Variants in TRIM4 observed in about 807,000 individuals in gnomAD.
TRIM4 encodes the protein E3 ubiquitin-protein ligase TRIM4.
A neutral mutation model predicts 33.7 loss-of-function variants in TRIM4; 29 were observed. The ratio of observed to expected loss-of-function variants is 0.86; its 90% CI spans 0.64 to 1.17. The LOEUF is 1.17. Among genes scored for constraint, TRIM4 ranks in the 50% most tolerant of loss-of-function variants. TRIM4 has a pLI of 0.00. For missense variants in TRIM4, 554 were observed against 593.7 expected (o/e 0.93, Z 0.69); for synonymous variants, 224 against 233.0 (o/e 0.96, Z 0.35).
At chr7:99,899,066 C>T (rs981892263) in intron 5 of TRIM4, among the ~76,000 whole-genome samples, 2 of 152,118 alleles carry the variant, frequency 1.3e-5, no homozygotes, top group Non-Finnish European at 2.9e-5. Flanking sequence ...CAAGGGTATG[C>T]TGGACTGCAG....
chr7:99,915,786 T>C (rs1019636546), intron 1 of TRIM4, among the ~76,000 whole-genome samples: 8 of 152,178 alleles, frequency 5.3e-5, no homozygotes, highest in African/African-American at 1.7e-4. Flanking sequence ...CCCATCCCAG[T>C]GTAACCCTTA....
intron 1 of TRIM4, among the ~76,000 whole-genome samples, chr7:99,914,172 A>C (rs375931857): frequency 7.9e-5 from 12 of 152,252 alleles, no homozygotes; most frequent in African/African-American, 2.9e-4. Flanking sequence ...CCCTACTTAC[A>C]GTCATGTCCT....
intron 5 of TRIM4, among the ~76,000 whole-genome samples, chr7:99,897,150 G>A (rs1482228589): frequency 6.6e-6 from 1 of 152,200 alleles, no homozygotes; most frequent in Admixed American, 6.5e-5. Context: ...CCCGTGAAGA[G>A]ATCTAGTGGC....
At chr7:99,916,492 GACT>G (rs1819558219) in intron 1 of TRIM4, among the ~76,000 whole-genome samples, 1 of 152,168 alleles carries the variant, frequency 6.6e-6, no homozygotes, top group Non-Finnish European at 1.5e-5. Flanking sequence ...TCTGTCCTAA[GACT>G]ACGCTTCCTC....
chr7:99,902,790 G>T (rs2151645735), intron 5 of TRIM4, among the ~76,000 whole-genome samples: 1 of 151,258 alleles, frequency 6.6e-6, no homozygotes, highest in South Asian at 2.1e-4. Context: ...GCTTGAAACA[G>T]TCATCCCTGT....
In TRIM4 at chr7:99,909,735, T is replaced by G. The variant is rs1444015010; in HGVS notation, c.394-75A>C. On this transcript the variant is annotated intron_variant, in intron 1 of 5. Transcript: ENST00000349062. ...CATCTTCTTTTTTCTTTTTGTTTTT[T>G]TTTTTTTTTTTTTTTGAGACAAAGT... 5.3e-4 allele frequency: 628 copies of G among 1,175,716 alleles called. 3 individuals carry two copies. The highest frequency in any genetic ancestry group is 1.0e-3 in the Middle Eastern group (5 of 4,948). 72.8% of individuals were successfully genotyped at this position (1,175,716 alleles called of 1,614,324 possible).
chr7:99,897,643 A>C (rs1320007796), intron 5 of TRIM4, among the ~76,000 whole-genome samples: 1 of 152,206 alleles, frequency 6.6e-6, no homozygotes, highest in Non-Finnish European at 1.5e-5. Context: ...AAAAGAATAT[A>C]CAGGTCACAC....
chr7:99,903,393 C>T, intron 4 of TRIM4, 78 bp from the exon 5 acceptor site: 2 of 1,381,552 alleles, frequency 1.4e-6, no homozygotes, highest in Non-Finnish European at 2.0e-6. Context: ...AGGTTCTTAG[C>T]CCAAAGTTCA....
intron 5 of TRIM4, among the ~76,000 whole-genome samples, chr7:99,893,477 G>A (rs1396004147): frequency 6.6e-6 from 1 of 152,144 alleles, no homozygotes; most frequent in Non-Finnish European, 1.5e-5. Context: ...ACGGGTTCCA[G>A]TTGTTTATGG....
rs768297424 is a variant in TRIM4 at position 99,903,300 on chromosome 7, A to G, written c.759T>C (p.Asp253=). The change falls in exon 5 of 6, where the codon GAT becomes GAC. Residue 253 remains aspartate (D), a synonymous_variant. Coordinates refer to ENST00000349062, the MANE Select transcript of TRIM4 (RefSeq NM_033091.3). The part of the protein sequence containing the change: ...KEVLTRSEIQ[D]VNYSLEAVKV... Reference sequence around the variant, plus strand: ...TTACAGCTTCAAGAGAATAGTTCACATCCTGGATCTCACTCCTAAGAAGGT... The same window carrying G: ...TTACAGCTTCAAGAGAATAGTTCACGTCCTGGATCTCACTCCTAAGAAGGT... 6.2e-7 allele frequency: 1 copy of G among 1,611,242 alleles called. No individual in the cohort carries two copies. Among genetic ancestry groups the G allele is most frequent in the Non-Finnish European group, 8.5e-7 (1 of 1,177,926 alleles).
At chr7:99,903,342 A>T (rs1326151765) in intron 4 of TRIM4, 27 bp from the exon 5 acceptor site, 1 of 1,560,138 alleles carries the variant, frequency 6.4e-7, no homozygotes, top group South Asian at 1.1e-5. Context: ...GACTGCTCTT[A>T]GGGGACAACT....
intron 3 of TRIM4, among the ~76,000 whole-genome samples, chr7:99,907,884 A>G: frequency 6.6e-6 from 1 of 152,212 alleles, no homozygotes; most frequent in East Asian, 1.9e-4. Flanking sequence ...AGAGGTTCTG[A>G]GGCATCCGAT....
chr7:99,906,562 A>G (rs748036612), intron 3 of TRIM4, among the ~76,000 whole-genome samples: 6 of 152,192 alleles, frequency 3.9e-5, no homozygotes, highest in Non-Finnish European at 8.8e-5. Context: ...TGTGGAATAC[A>G]GAGCAATAAA....
chr7:99,903,958 T>G (rs976590019), intron 3 of TRIM4, among the ~76,000 whole-genome samples: 1 of 152,214 alleles, frequency 6.6e-6, no homozygotes, highest in Non-Finnish European at 1.5e-5. Flanking sequence ...CTTCCTGTTG[T>G]TTTACAAGAT....
At chr7:99,918,634 T>C (rs1819616308) in intron 1 of TRIM4, among the ~76,000 whole-genome samples, 1 of 152,078 alleles carries the variant, frequency 6.6e-6, no homozygotes, top group South Asian at 2.1e-4. Flanking sequence ...TCAGATTAAA[T>C]AAAATATATT....
chr7:99,907,033 AT>A (rs1275810145), intron 3 of TRIM4, among the ~76,000 whole-genome samples: 1 of 152,142 alleles, frequency 6.6e-6, no homozygotes, highest in Non-Finnish European at 1.5e-5. Context: ...AAGGAAATCA[AT>A]TTTAAAAATG....
chr7:99,905,960 C>A (rs1458241044), intron 3 of TRIM4, among the ~76,000 whole-genome samples: 1 of 151,924 alleles, frequency 6.6e-6, no homozygotes, highest in East Asian at 1.9e-4. Context: ...GCCTGGCCAA[C>A]ATGGCAAAAC....
intron 3 of TRIM4, among the ~76,000 whole-genome samples, chr7:99,904,990 C>T (rs145490538): frequency 2.0e-5 from 3 of 151,790 alleles, no homozygotes; most frequent in Non-Finnish European, 4.4e-5. Context: ...AAGATGGTGC[C>T]ACTGCACTCC....
intron 5 of TRIM4, chr7:99,901,706 AT>A (rs1282434779): frequency 6.1e-5 from 10 of 162,630 alleles, no homozygotes; most frequent in African/African-American, 2.4e-4. Flanking sequence ...GGTGTGGCTG[AT>A]AGGAACTGGC....
Sources: allele counts gnomAD v4.1 joint callset (sites outside exome capture counted in the v4.1 genomes callset), GRCh38; gene constraint gnomAD v4.1.1; transcripts MANE v1.5; gene names NCBI Gene and HGNC (gene_info 2026-07-23, HGNC 2026-07-21).